Variants in RARB observed in about 807,000 individuals in gnomAD.
The protein encoded by RARB is retinoic acid receptor beta.
A neutral mutation model predicts 51.9 loss-of-function variants in RARB; 17 were observed. The ratio of observed to expected loss-of-function variants is 0.33; its 90% CI spans 0.22 to 0.49. The LOEUF is 0.49. Ranked by LOEUF, RARB falls within the 20% of genes least tolerant of loss-of-function variation. The pLI is 0.99. For missense variants in RARB, 369 were observed against 550.8 expected (o/e 0.67, Z 3.30); for synonymous variants, 215 against 195.4 (o/e 1.10, Z -0.84).
chr3:25,567,728 C>T (rs1362861880), intron 3 of RARB, among the ~76,000 whole-genome samples: 1 of 152,178 alleles, frequency 6.6e-6, no homozygotes, highest in Non-Finnish European at 1.5e-5. Flanking sequence ...GCCGAGTACT[C>T]TTCCTCGGGG....
chr3:25,468,625 G>C (rs966333336), intron 2 of RARB, among the ~76,000 whole-genome samples: 1 of 152,044 alleles, frequency 6.6e-6, no homozygotes, highest in Non-Finnish European at 1.5e-5. Flanking sequence ...TTATGGTCTA[G>C]AGTGGGGGTT....
At chr3:25,216,834 A>G (rs188177638) in intron 5 of RARB, among the ~76,000 whole-genome samples, 1 of 151,634 alleles carries the variant, frequency 6.6e-6, no homozygotes, top group Non-Finnish European at 1.5e-5. Flanking sequence ...TTGCTCCTCC[A>G]TTGCAATTTA....
chr3:25,065,619 G>A (rs1698645998), intron 3 of RARB, among the ~76,000 whole-genome samples: 1 of 152,210 alleles, frequency 6.6e-6, no homozygotes, highest in South Asian at 2.1e-4. Context: ...AGTATGAACA[G>A]AATTCATGAC....
At chr3:25,483,519 T>G (rs2125584250) in intron 2 of RARB, among the ~76,000 whole-genome samples, 1 of 140,366 alleles carries the variant, frequency 7.1e-6, no homozygotes, top group Admixed American at 7.4e-5. Flanking sequence ...TTTAAAATCA[T>G]ATTTCTTCTT....
rs1249336026 is a variant in RARB, at chr3:25,481,150, A to G, written c.306+19809A>G. 2.6e-5 allele frequency among the ~76,000 whole-genome samples: 4 copies of G among 152,266 alleles called. No individual in the cohort carries two copies. The South Asian group carries it at 8.3e-4, about 32-fold the overall frequency. Reference sequence around the variant, plus strand: ...TTCTCCAGACATTTCACTACTAAAAACCACTCAGATCATACAATGATTAGG... The same window carrying G: ...TTCTCCAGACATTTCACTACTAAAAGCCACTCAGATCATACAATGATTAGG... On this transcript the variant is annotated intron_variant, in intron 2 of 7. Coordinates refer to ENST00000330688, the MANE Select transcript of RARB (RefSeq NM_000965.5).
Position 25,167,572 on chromosome 3 carries a change from G to A in RARB, c.-279-6547G>A, listed in dbSNP as rs1216909848. ...TATCCTGAAACAAGGAAGTGATGAT[G>A]GAAAGGAAAATTGGTTGTTGTTGTA... On this transcript the variant is annotated intron_variant, in intron 4 of 11. Transcript: ENST00000383772. Among the ~76,000 whole-genome samples, 3 of 152,156 alleles carry A rather than the reference G, an allele frequency of 2.0e-5. No individual in the cohort carries two copies. In the East Asian group the frequency reaches 5.8e-4, roughly 29 times the overall value.
At chr3:25,177,486 A>C (rs1700778367) in intron 5 of RARB, among the ~76,000 whole-genome samples, 1 of 152,174 alleles carries the variant, frequency 6.6e-6, no homozygotes, top group South Asian at 2.1e-4. Flanking sequence ...GGACTTACTG[A>C]TATCTCTTTT....
intron 3 of RARB, among the ~76,000 whole-genome samples, chr3:25,124,676 C>G (rs548419165): frequency 2.0e-5 from 3 of 152,176 alleles, no homozygotes; most frequent in Non-Finnish European, 4.4e-5. Flanking sequence ...TAAGCATATC[C>G]GCTGAAATGC....
intron 2 of RARB, among the ~76,000 whole-genome samples, chr3:25,475,282 C>G (rs1047705296): frequency 1.3e-5 from 2 of 152,048 alleles, no homozygotes; most frequent in East Asian, 1.9e-4. Flanking sequence ...TTTCTGTTCT[C>G]CACTACGTAC....
intron 3 of RARB, among the ~76,000 whole-genome samples, chr3:25,112,860 C>T (rs1317309654): frequency 6.6e-6 from 1 of 152,132 alleles, no homozygotes; most frequent in Non-Finnish European, 1.5e-5. Flanking sequence ...AGGGCAGAGT[C>T]ATGTCAACGT....
chr3:25,330,190 A>T (rs1704849912), intron 5 of RARB, among the ~76,000 whole-genome samples: 1 of 152,138 alleles, frequency 6.6e-6, no homozygotes, highest in Non-Finnish European at 1.5e-5. Flanking sequence ...CCCCGAGAAG[A>T]GCAACCCCAA....
At position 25,597,533 on chromosome 3, in the gene RARB, G is replaced by GGTC. The variant is rs1227242518; in HGVS notation, c.*918_*920dup. The GGTC allele has an allele frequency of 3.3e-5, 5 of 152,594 alleles. No individual in the cohort carries two copies. Among genetic ancestry groups the GGTC allele is most frequent in the African/African-American group, 1.2e-4 (5 of 41,436 alleles). 9.5% of individuals were successfully genotyped at this position (152,594 alleles called of 1,614,324 possible). On this transcript the variant is annotated 3_prime_UTR_variant, in exon 8 of 8. Transcript: ENST00000330688. ...AATTTCATGGGATAATTAGCAGGCT[G>GGTC]GTCTACCACCTGGACCATGTAACTC...
At chr3:25,431,678 A>G (rs538615518) in intron 1 of RARB, among the ~76,000 whole-genome samples, 39 of 152,286 alleles carry the variant, frequency 2.6e-4, no homozygotes, top group Non-Finnish European at 4.3e-4. Context: ...AACGAGTGTG[A>G]CAACTTCTTG....
chr3:24,885,399 A>C (rs938087604), intron 2 of RARB, among the ~76,000 whole-genome samples: 2 of 152,204 alleles, frequency 1.3e-5, no homozygotes, highest in Non-Finnish European at 2.9e-5. Context: ...CATCAGAATT[A>C]TGATTGAACA....
At chr3:25,386,499 G>A (rs1044615655) in intron 5 of RARB, among the ~76,000 whole-genome samples, 4 of 152,182 alleles carry the variant, frequency 2.6e-5, no homozygotes, top group Non-Finnish European at 2.9e-5. Flanking sequence ...TGGCTGCAGG[G>A]CAAAGACTGA....
chr3:25,542,381 A>T (rs149814200), intron 3 of RARB, among the ~76,000 whole-genome samples: 1 of 152,224 alleles, frequency 6.6e-6, no homozygotes, highest in Non-Finnish European at 1.5e-5. Context: ...TGGATTTTTC[A>T]TCCTATCACA....
At chr3:25,151,253 T>C (rs1328571464) in intron 4 of RARB, among the ~76,000 whole-genome samples, 4 of 152,250 alleles carry the variant, frequency 2.6e-5, no homozygotes, top group Non-Finnish European at 5.9e-5. Flanking sequence ...ATGAGGGTAG[T>C]GTCTTCATCC....
At chr3:25,333,262 C>T (rs1472412650) in intron 5 of RARB, among the ~76,000 whole-genome samples, 1 of 152,154 alleles carries the variant, frequency 6.6e-6, no homozygotes, top group Admixed American at 6.5e-5. Flanking sequence ...CATCACGCTA[C>T]CTGACTTCAA....
chr3:25,174,303 A>G, exon 5 of RARB: 2 of 1,094,960 alleles, frequency 1.8e-6, no homozygotes, highest in South Asian at 2.6e-5. Context: ...CTCAGCCTCA[A>G]CTCCTGCAGT....
Sources: allele counts gnomAD v4.1 joint callset (sites outside exome capture counted in the v4.1 genomes callset), GRCh38; gene constraint gnomAD v4.1.1; transcripts MANE v1.5; gene names NCBI Gene and HGNC (gene_info 2026-07-23, HGNC 2026-07-21).